Variants in PLXDC2 observed in about 807,000 individuals in gnomAD.
The protein encoded by PLXDC2 is plexin domain containing 2.
In PLXDC2, 40 loss-of-function variants were observed where a neutral mutation model predicts 68.9. The observed-to-expected ratio is 0.58, with a 90% CI of 0.45 to 0.76. PLXDC2 has a LOEUF of 0.76. PLXDC2 is among the 30% of genes least tolerant of loss of function. The pLI is 0.00. For missense variants in PLXDC2, 644 were observed against 661.9 expected, an observed-to-expected ratio of 0.97 and a Z score of 0.30; for synonymous variants, 243 against 234.2, an observed-to-expected ratio of 1.04 and a Z score of -0.34.
intron 12 of PLXDC2, among the ~76,000 whole-genome samples, chr10:20,219,643 G>A (rs1307061782): frequency 6.6e-6 from 1 of 152,134 alleles, no homozygotes; most frequent in Admixed American, 6.5e-5. Context: ...TGGAAAATTT[G>A]AGGGAAAAAA....
chr10:20,123,936 G>T (rs1833734887), intron 4 of PLXDC2, among the ~76,000 whole-genome samples: 1 of 151,728 alleles, frequency 6.6e-6, no homozygotes, highest in African/African-American at 2.4e-5. Context: ...AGGGGTTGGG[G>T]TAATTATCCC....
intron 1 of PLXDC2, among the ~76,000 whole-genome samples, chr10:19,840,322 T>A (rs1369285335): frequency 6.6e-6 from 1 of 152,198 alleles, no homozygotes. Context: ...TAGATAAGTA[T>A]GCAGCTTTCA....
At chr10:20,155,836 A>G (rs949787038) in intron 6 of PLXDC2, among the ~76,000 whole-genome samples, 1 of 152,178 alleles carries the variant, frequency 6.6e-6, no homozygotes, top group African/African-American at 2.4e-5. Flanking sequence ...GTAGCCAGGT[A>G]GAAAGATCAA....
At chr10:20,117,759 A>C (rs1295997463) in intron 4 of PLXDC2, among the ~76,000 whole-genome samples, 1 of 152,188 alleles carries the variant, frequency 6.6e-6, no homozygotes, top group Non-Finnish European at 1.5e-5. Context: ...GCTTCCTAAA[A>C]TAGAGTTGAT....
intron 1 of PLXDC2, among the ~76,000 whole-genome samples, chr10:19,966,441 T>TAAA (rs1352569381): frequency 7.9e-4 from 119 of 150,930 alleles, no homozygotes; most frequent in Non-Finnish European, 1.0e-3. Flanking sequence ...TGCACATATA[T>TAAA]ATAAAACATG....
chr10:20,118,068 C>G (rs74538837), intron 4 of PLXDC2, among the ~76,000 whole-genome samples: 4,117 of 151,728 alleles, frequency 0.027, 81 homozygotes, highest in South Asian at 0.074. Flanking sequence ...ACATATGTGT[C>G]TATATATGTC....
chr10:20,174,195 T>C (rs1834487092), intron 7 of PLXDC2, among the ~76,000 whole-genome samples: 1 of 152,152 alleles, frequency 6.6e-6, no homozygotes, highest in Non-Finnish European at 1.5e-5. Flanking sequence ...ACATTATTTA[T>C]TTATTGATAA....
chr10:20,169,035 G>A (rs545242695), intron 7 of PLXDC2, among the ~76,000 whole-genome samples: 7 of 152,092 alleles, frequency 4.6e-5, no homozygotes, highest in African/African-American at 1.7e-4. Flanking sequence ...CTAAAATGTG[G>A]TCATTAATAG....
At chr10:19,856,471 C>T (rs1379924760) in intron 1 of PLXDC2, among the ~76,000 whole-genome samples, 2 of 151,848 alleles carry the variant, frequency 1.3e-5, no homozygotes, top group Admixed American at 6.6e-5. Context: ...CATCATCTGC[C>T]AGTTTGATGG....
intron 2 of PLXDC2, among the ~76,000 whole-genome samples, chr10:20,021,818 C>A: frequency 6.6e-6 from 1 of 152,078 alleles, no homozygotes; most frequent in East Asian, 1.9e-4. Context: ...CCTGTCTCAG[C>A]CTCCCAAGTA....
intron 3 of PLXDC2, among the ~76,000 whole-genome samples, chr10:20,051,106 G>C (rs1589605633): frequency 6.6e-6 from 1 of 151,942 alleles, no homozygotes; most frequent in South Asian, 2.1e-4. Context: ...GGAACTGGAG[G>C]CCATTATCCT....
At chr10:19,920,754 C>T (rs1382958615) in intron 1 of PLXDC2, among the ~76,000 whole-genome samples, 7 of 152,058 alleles carry the variant, frequency 4.6e-5, no homozygotes, top group East Asian at 3.9e-4. Flanking sequence ...GACAGGGTTT[C>T]GCCTTGTTGC....
intron 1 of PLXDC2, among the ~76,000 whole-genome samples, chr10:19,871,895 A>C (rs1022927852): frequency 3.3e-5 from 5 of 152,074 alleles, no homozygotes; most frequent in African/African-American, 7.2e-5. Context: ...AAAAAAAAAA[A>C]AAAACACAAA....
intron 1 of PLXDC2, among the ~76,000 whole-genome samples, chr10:19,917,373 A>G (rs1833387806): frequency 6.6e-6 from 1 of 152,192 alleles, no homozygotes; most frequent in African/African-American, 2.4e-5. Context: ...AAACAAAAAT[A>G]TATTTTCCAT....
intron 1 of PLXDC2, among the ~76,000 whole-genome samples, chr10:19,873,115 G>T (rs972931604): frequency 6.6e-6 from 1 of 152,170 alleles, no homozygotes; most frequent in African/African-American, 2.4e-5. Context: ...GCTCCAAAGT[G>T]CACTGAAGTT....
intron 1 of PLXDC2, among the ~76,000 whole-genome samples, chr10:19,956,682 C>T (rs947857979): frequency 2.0e-5 from 3 of 152,204 alleles, no homozygotes; most frequent in Non-Finnish European, 4.4e-5. Flanking sequence ...TCAATGAAGG[C>T]ACAGACTGTA....
In PLXDC2 at chr10:20,165,808, A is replaced by G. The variant is rs114440891; in HGVS notation, c.883+1241A>G. Among the ~76,000 whole-genome samples the G allele has an allele frequency of 8.4e-3, 1,282 of 152,250 alleles. 18 individuals carry two copies. The highest frequency in any genetic ancestry group is 0.029 in the African/African-American group (1,200 of 41,544). On this transcript the variant is annotated intron_variant, in intron 7 of 13. Transcript: ENST00000377252. ...GTGTTGCTTTGGACAACTGTTTGTT[A>G]TATTAGAAACCAAAATGCTAACTGC...
chr10:20,093,701 T>A (rs1833311352), intron 4 of PLXDC2, among the ~76,000 whole-genome samples: 1 of 152,142 alleles, frequency 6.6e-6, no homozygotes, highest in African/African-American at 2.4e-5. Context: ...TGAGACAGGG[T>A]CTCACTTCAT....
chr10:19,897,938 A>G (rs1028553634), intron 1 of PLXDC2, among the ~76,000 whole-genome samples: 4 of 152,204 alleles, frequency 2.6e-5, no homozygotes, highest in African/African-American at 7.2e-5. Flanking sequence ...AAGTTCTATC[A>G]TGTTTATCTT....
Sources: allele counts gnomAD v4.1 joint callset (sites outside exome capture counted in the v4.1 genomes callset), GRCh38; gene constraint gnomAD v4.1.1; transcripts MANE v1.5; gene names NCBI Gene and HGNC (gene_info 2026-07-23, HGNC 2026-07-21).